The following CEP120 variants were observed in gnomAD, a reference collection of about 807,000 sequenced individuals.
CEP120 encodes the protein centrosomal protein of 120 kDa.
CEP120 carries 113 observed loss-of-function variants against 126.5 expected under a neutral mutation model. That is an observed-to-expected ratio of 0.89 (90% CI 0.77 to 1.04). The LOEUF is 1.04. Ranked by LOEUF, CEP120 falls within the 50% of genes least tolerant of loss-of-function variation. The pLI is 0.00. For synonymous variants in CEP120, 400 were observed against 394.3 expected (o/e 1.01, Z -0.17); for missense variants, 1,230 against 1,155.7 (o/e 1.06, Z -0.93).
intron 16 of CEP120, among the ~76,000 whole-genome samples, chr5:123,377,041 C>T (rs1771278277): frequency 6.6e-6 from 1 of 152,090 alleles, no homozygotes. Flanking sequence ...GAAATAGGAA[C>T]AGAGACAATT....
chr5:123,364,601 G>T lies in CEP120; in HGVS notation c.2482-7C>A, dbSNP rs758194247. On this transcript the variant is annotated splice_region_variant and splice_polypyrimidine_tract_variant and intron_variant, in intron 17 of 19. Transcript: ENST00000306467. The stretch of plus-strand genomic sequence containing the variant: ...ACTTTCTTTCAAGTTCAACCTAACA[G>T]TGATTAAAATCATATCAAGTGAAAC... 1.9e-6 allele frequency: 3 copies of T among 1,562,312 alleles called. No homozygotes were observed. The highest frequency in any genetic ancestry group is 1.8e-6 in the Non-Finnish European group (2 of 1,139,312).
At chr5:123,357,568 A>C (rs1055480045) in intron 18 of CEP120, among the ~76,000 whole-genome samples, 1 of 152,116 alleles carries the variant, frequency 6.6e-6, no homozygotes, top group Non-Finnish European at 1.5e-5. Flanking sequence ...CACTCCACAG[A>C]TGAAGAAATG....
At position 123,352,917 on chromosome 5, in the gene CEP120, ACTTC is replaced by A. The variant is rs1479452746; in HGVS notation, c.2581-2832_2581-2829del. On this transcript the variant is annotated intron_variant, in intron 18 of 19. Transcript: ENST00000306467. ...TAGATGGTAGAGCTTTACAATTTTC[ACTTC>A]CTAATTGCCTCTAGTAGACAAATAA... 1.2e-4 allele frequency among the ~76,000 whole-genome samples: 17 copies of A among 138,526 alleles called. 1 individual carries two copies. In the Admixed American group the frequency reaches 1.2e-3, roughly 10 times the overall value. 90.9% of individuals were successfully genotyped at this position (138,526 alleles called of 152,430 possible).
At chr5:123,394,425 C>T (rs1772624154) in intron 5 of CEP120, among the ~76,000 whole-genome samples, 1 of 152,152 alleles carries the variant, frequency 6.6e-6, no homozygotes, top group Non-Finnish European at 1.5e-5. Context: ...GTGTAGTTGA[C>T]AATAAGGTTC....
chr5:123,369,798 A>C (rs1411366435), intron 17 of CEP120, among the ~76,000 whole-genome samples: 1 of 152,000 alleles, frequency 6.6e-6, no homozygotes. Context: ...TTTATGTTTG[A>C]CATAAACAAA....
chr5:123,375,879 G>A (rs1358941111), intron 16 of CEP120, among the ~76,000 whole-genome samples: 1 of 152,066 alleles, frequency 6.6e-6, no homozygotes, highest in African/African-American at 2.4e-5. Flanking sequence ...CTGTGCTGCT[G>A]TGGAAACTGT....
In CEP120 at chr5:123,393,609, C is replaced by T. The variant is rs980844774; in HGVS notation, c.613-112G>A. ...GCTAAAATGTTTTTTTATTTGATGT[C>T]TTAACCGCTCAAATAAAATTTCTGA... On this transcript the variant is annotated intron_variant, in intron 5 of 19. Coordinates refer to ENST00000306467, the MANE Select transcript of CEP120 (RefSeq NM_001375405.1). The T allele has an allele frequency of 5.0e-6, 4 of 807,674 alleles. No homozygotes were observed. In the African/African-American group the frequency reaches 6.9e-5, roughly 14 times the overall value. The allele number at this position is 807,674 out of a possible 1,614,324, so 50.0% of individuals were successfully genotyped here. A position where few individuals can be genotyped will look rare whatever the true frequency, so the allele number is the denominator to read the frequency against.
At chr5:123,387,180 A>G (rs1165045488) in intron 9 of CEP120, among the ~76,000 whole-genome samples, 2 of 152,180 alleles carry the variant, frequency 1.3e-5, no homozygotes, top group Non-Finnish European at 2.9e-5. Context: ...CTTAATTTGT[A>G]TTTAAAGCCA....
intron 5 of CEP120, 35 bp from the exon 6 acceptor site, chr5:123,393,532 T>G: frequency 6.5e-7 from 1 of 1,548,070 alleles, no homozygotes; most frequent in Non-Finnish European, 8.9e-7. Flanking sequence ...CAGTTATTAC[T>G]TTCTAAACTA....
intron 3 of CEP120, among the ~76,000 whole-genome samples, chr5:123,415,278 A>C (rs6595449): frequency 0.44 from 66,388 of 151,944 alleles, 14,461 homozygotes; most frequent in East Asian, 0.47. Context: ...GAGGGAAAAA[A>C]CCCAACTGGG....
At chr5:123,413,369 G>A (rs1774190308) in intron 3 of CEP120, among the ~76,000 whole-genome samples, 1 of 151,968 alleles carries the variant, frequency 6.6e-6, no homozygotes. Flanking sequence ...TAAAGTCAAG[G>A]CCTAATGGAA....
intron 3 of CEP120, among the ~76,000 whole-genome samples, chr5:123,413,397 C>G (rs756017958): frequency 6.6e-6 from 1 of 151,944 alleles, no homozygotes; most frequent in Non-Finnish European, 1.5e-5. Flanking sequence ...GGATTATGAA[C>G]CAGGTACTTG....
chr5:123,418,664 T>C, intron 1 of CEP120, 149 bp from the exon 2 acceptor site: 2 of 595,492 alleles, frequency 3.4e-6, no homozygotes, highest in South Asian at 3.5e-5. Flanking sequence ...TAGCGCAATC[T>C]CAGCTCACTG....
chr5:123,404,259 T>C (rs1294154326), intron 4 of CEP120, among the ~76,000 whole-genome samples: 5 of 152,198 alleles, frequency 3.3e-5, no homozygotes, highest in Non-Finnish European at 7.3e-5. Flanking sequence ...TAATAAAGCC[T>C]CTAGAATCTG....
intron 4 of CEP120, chr5:123,403,666 A>G (rs1391876773): frequency 2.5e-6 from 1 of 397,108 alleles, no homozygotes; most frequent in Non-Finnish European, 4.9e-6. Context: ...TAGCATCAGA[A>G]ATAGGACAAA....
intron 9 of CEP120, among the ~76,000 whole-genome samples, chr5:123,387,602 A>G (rs1772113886): frequency 6.6e-6 from 1 of 152,128 alleles, no homozygotes; most frequent in Non-Finnish European, 1.5e-5. Context: ...AGTGCCTTAA[A>G]ATGATTCAAA....
chr5:123,390,844 G>A lies in CEP120; in HGVS notation c.1038+266C>T, dbSNP rs543714471. On this transcript the variant is annotated intron_variant, in intron 7 of 19. Transcript: ENST00000306467. Reference sequence around the variant, plus strand: ...TCTCTTTCACTGGAGTTCCTTTTCTGGAGTTGGGGGTGGGGGAGACCATAA... The same window carrying A: ...TCTCTTTCACTGGAGTTCCTTTTCTAGAGTTGGGGGTGGGGGAGACCATAA... 8 of 324,418 alleles carry A rather than the reference G, an allele frequency of 2.5e-5. No homozygotes were observed. The East Asian group carries it at 4.2e-4, about 17-fold the overall frequency. 20.1% of individuals were successfully genotyped at this position (324,418 alleles called of 1,614,324 possible). A position where few individuals can be genotyped will look rare whatever the true frequency, so the allele number is the denominator to read the frequency against.
At chr5:123,369,839 C>CT (rs1770724722) in intron 17 of CEP120, among the ~76,000 whole-genome samples, 1 of 151,936 alleles carries the variant, frequency 6.6e-6, no homozygotes, top group Non-Finnish European at 1.5e-5. Context: ...TTTTTACTCT[C>CT]TCCTCTATAA....
rs590279 is a variant in CEP120, at chr5:123,391,444, T to A, written c.811-107A>T. 813,340 of 816,366 alleles carry A rather than the reference T, an allele frequency of 1. 405,253 individuals carry two copies. Among genetic ancestry groups the A allele is most frequent in the Non-Finnish European group, 1 (511,640 of 511,694 alleles). 50.6% of individuals were successfully genotyped at this position (816,366 alleles called of 1,614,324 possible). ...AAAATGATGCATGGAAAGAAAATAT[T>A]ATGCAGGTTATACCTCATTGACCTC... On this transcript the variant is annotated intron_variant, in intron 6 of 19. Transcript: ENST00000306467.
Sources: gnomAD v4.1 joint callset for allele counts (sites outside exome capture counted in the v4.1 genomes callset) on GRCh38, gnomAD v4.1.1 for gene constraint, MANE v1.5 for transcripts, NCBI Gene and HGNC (gene_info 2026-07-23, HGNC 2026-07-21) for gene names.